TTC9C: variants seen among roughly 807,000 people sequenced by gnomAD.
TTC9C encodes tetratricopeptide repeat protein 9C.
A neutral mutation model predicts 22.5 loss-of-function variants in TTC9C; 15 were observed. The observed-to-expected ratio is 0.67, with a 90% CI of 0.45 to 1.03. The LOEUF is 1.03. Ranked by LOEUF, TTC9C falls within the 50% of genes least tolerant of loss-of-function variation. The probability of loss-of-function intolerance (pLI) is 0.00; values close to 1 mark genes in which losing one functional copy is unlikely to be tolerated. For missense variants in TTC9C, 244 were observed against 214.6 expected (o/e 1.14, Z -0.86); for synonymous variants, 92 against 86.8 (o/e 1.06, Z -0.33).
upstream of TTC9C, chr11:62,728,228 G>T: frequency 3.2e-6 from 1 of 315,788 alleles, no homozygotes; most frequent in Non-Finnish European, 6.2e-6. Flanking sequence ...AGACTTCCAG[G>T]TTTGGGCATC....
At chr11:62,733,856 G>A (rs1010702322) in intron 1 of TTC9C, among the ~76,000 whole-genome samples, 6 of 152,050 alleles carry the variant, frequency 3.9e-5, no homozygotes, top group African/African-American at 1.4e-4. Flanking sequence ...GCCAGGCATG[G>A]TGGTGAGCGC....
chr11:62,728,749 C>A lies in TTC9C; in HGVS notation c.-100C>A. 2 of 1,180,432 alleles carry A rather than the reference C, an allele frequency of 1.7e-6. No homozygotes were observed. The highest frequency in any genetic ancestry group is 2.5e-6 in the Non-Finnish European group (2 of 801,538). 73.1% of individuals were successfully genotyped at this position (1,180,432 alleles called of 1,614,324 possible). A position where few individuals can be genotyped will look rare whatever the true frequency, so the allele number is the denominator to read the frequency against. ...TCCAGGAAGAAGGGTAATTTCCTGC[C>A]TCCTTAAATTGGCTGCTACTGTCAG... On this transcript the variant is annotated 5_prime_UTR_variant, in exon 1 of 3. Coordinates refer to ENST00000316461, the MANE Select transcript of TTC9C (RefSeq NM_173810.4).
Position 62,735,583 on chromosome 11 carries a change from G to C in TTC9C, c.421+19G>C. 1.3e-6 allele frequency: 2 copies of C among 1,586,432 alleles called. No individual in the cohort carries two copies. The highest frequency in any genetic ancestry group is 1.7e-6 in the Non-Finnish European group (2 of 1,163,780). Reference sequence around the variant, plus strand: ...CCTAAAGGTAAGCAAGAAGGGCTTTGAAATGGTAAAGACAAAATTGTCTTG... The same window carrying C: ...CCTAAAGGTAAGCAAGAAGGGCTTTCAAATGGTAAAGACAAAATTGTCTTG... On this transcript the variant is annotated intron_variant, in intron 2 of 2. Coordinates refer to ENST00000316461, the MANE Select transcript of TTC9C (RefSeq NM_173810.4).
intron 2 of TTC9C, chr11:62,735,993 T>A (rs1183833654): frequency 6.6e-6 from 1 of 152,068 alleles, no homozygotes; most frequent in Non-Finnish European, 1.5e-5. Flanking sequence ...ATCTCAGCAC[T>A]TTGGGAGACC....
chr11:62,732,868 G>A (rs1287009411), intron 1 of TTC9C, among the ~76,000 whole-genome samples: 1 of 151,042 alleles, frequency 6.6e-6, no homozygotes, highest in Admixed American at 6.6e-5. Flanking sequence ...GTTGCAGTCA[G>A]CCAAGATCGT....
intron 1 of TTC9C, among the ~76,000 whole-genome samples, chr11:62,731,402 G>A (rs2134806366): frequency 6.6e-6 from 1 of 152,178 alleles, no homozygotes; most frequent in East Asian, 1.9e-4. Context: ...TTCAAGACCA[G>A]CCTGGGAAAT....
intron 2 of TTC9C, 47 bp downstream of exon 2, chr11:62,735,611 G>T (rs1277634719): frequency 6.5e-7 from 1 of 1,548,284 alleles, no homozygotes; most frequent in Admixed American, 2.0e-5. Flanking sequence ...TTGTCTTGCT[G>T]GGGTGGATCT....
At chr11:62,728,077 G>C (rs1005185084), upstream of TTC9C, 3 of 152,308 alleles carry the variant, frequency 2.0e-5, no homozygotes, top group Non-Finnish European at 2.9e-5. Context: ...GAGGAGGCGG[G>C]GTCGTTTCTG....
At chr11:62,735,707 A>C in intron 2 of TTC9C, 143 bp downstream of exon 2, 2 of 1,387,446 alleles carry the variant, frequency 1.4e-6, no homozygotes. Flanking sequence ...GAACTGAAAA[A>C]GTATACGATG....
At chr11:62,734,063 C>G (rs1325426735) in intron 1 of TTC9C, among the ~76,000 whole-genome samples, 1 of 151,790 alleles carries the variant, frequency 6.6e-6, no homozygotes, top group Non-Finnish European at 1.5e-5. Context: ...CATTGGGAGG[C>G]TGAGGCCAGC....
rs2083798111 is a variant in TTC9C at position 62,728,711 on chromosome 11, T to G, written c.-138T>G. On this transcript the variant is annotated 5_prime_UTR_variant, in exon 1 of 3. Transcript: ENST00000316461. ...TAGAAACAAGCAAACCGCAGGTCCC[T>G]GTGGGGGGACTCTCCAGGAAGAAGG... 1 of 833,960 alleles carries G rather than the reference T, an allele frequency of 1.2e-6. No individual in the cohort carries two copies. The highest frequency in any genetic ancestry group is 2.0e-6 in the Non-Finnish European group (1 of 501,366). 51.7% of individuals were successfully genotyped at this position (833,960 alleles called of 1,614,324 possible). A position where few individuals can be genotyped will look rare whatever the true frequency, so the allele number is the denominator to read the frequency against.
At chr11:62,733,072 C>G in intron 1 of TTC9C, 2 of 1,166,524 alleles carry the variant, frequency 1.7e-6, no homozygotes, top group Non-Finnish European at 2.3e-6. Context: ...GATTCTTGAT[C>G]TTTCTCAGCA....
Position 62,738,507 on chromosome 11 carries a change from A to C in TTC9C, c.*125A>C, listed in dbSNP as rs2083938311. 1.6e-6 allele frequency: 1 copy of C among 624,860 alleles called. No individual in the cohort carries two copies. The highest frequency in any genetic ancestry group is 2.0e-5 in the South Asian group (1 of 48,970). 38.7% of individuals were successfully genotyped at this position (624,860 alleles called of 1,614,324 possible). A position where few individuals can be genotyped will look rare whatever the true frequency, so the allele number is the denominator to read the frequency against. On this transcript the variant is annotated 3_prime_UTR_variant, in exon 3 of 3. Coordinates refer to ENST00000316461, the MANE Select transcript of TTC9C (RefSeq NM_173810.4). ...CTGACCCAGGTGGATTTTTGTTTCT[A>C]GTTCTGCACAAACTTCACTACTTAG...
chr11:62,736,797 C>T (rs2083918419), intron 2 of TTC9C, among the ~76,000 whole-genome samples: 2 of 149,808 alleles, frequency 1.3e-5, no homozygotes, highest in Non-Finnish European at 3.0e-5. Context: ...GCAGAGGTTT[C>T]GGTGAGCTGA....
At chr11:62,738,074 A>C (rs77206075) in intron 2 of TTC9C, among the ~76,000 whole-genome samples, 3 of 150,816 alleles carry the variant, frequency 2.0e-5, no homozygotes, top group African/African-American at 7.4e-5. Context: ...AAATAAATAA[A>C]TAAAAATTAG....
intron 1 of TTC9C, among the ~76,000 whole-genome samples, chr11:62,731,394 C>G (rs1232042878): frequency 6.6e-6 from 1 of 152,112 alleles, no homozygotes; most frequent in Non-Finnish European, 1.5e-5. Context: ...CCGAGGAGTT[C>G]AAGACCAGCC....
rs536140573 is a variant in TTC9C at position 62,732,521 on chromosome 11, A to C, written c.239-2861A>C. On this transcript the variant is annotated intron_variant, in intron 1 of 2. Transcript: ENST00000316461. ...TCTACTAGGGAGGCTGAGGCAGGAG[A>C]ATTGCTTGAACCTGGGAGGCGGAGG... Among the ~76,000 whole-genome samples, 3 of 152,076 alleles carry C rather than the reference A, an allele frequency of 2.0e-5. No homozygotes were observed. In the South Asian group the frequency reaches 6.2e-4, roughly 32 times the overall value.
intron 1 of TTC9C, among the ~76,000 whole-genome samples, chr11:62,730,620 C>T (rs1450521805): frequency 6.6e-6 from 1 of 152,178 alleles, no homozygotes; most frequent in Admixed American, 6.5e-5. Context: ...GTTGCCCAGG[C>T]TGGAGTGCAA....
At chr11:62,733,359 C>G (rs1410858789) in intron 1 of TTC9C, among the ~76,000 whole-genome samples, 2 of 152,160 alleles carry the variant, frequency 1.3e-5, no homozygotes, top group Non-Finnish European at 2.9e-5. Flanking sequence ...TTGTCTGAGT[C>G]TTGATTTCTT....
Sources: gnomAD v4.1 joint callset for allele counts (sites outside exome capture counted in the v4.1 genomes callset) on GRCh38, gnomAD v4.1.1 for gene constraint, MANE v1.5 for transcripts, NCBI Gene and HGNC (gene_info 2026-07-23, HGNC 2026-07-21) for gene names.